The following CYP2J2 variants were observed in gnomAD, a reference collection of about 807,000 sequenced individuals.
CYP2J2 encodes cytochrome P450 2J2.
Under a neutral mutation model 48.8 loss-of-function variants are expected in CYP2J2, and 41 were observed. That is an observed-to-expected ratio of 0.84 (90% CI 0.66 to 1.09). CYP2J2 has a LOEUF of 1.09. Ranked by LOEUF, CYP2J2 falls within the 50% of genes least tolerant of loss-of-function variation. CYP2J2 has a pLI of 0.00. For synonymous variants in CYP2J2, 221 were observed against 227.1 expected (o/e 0.97, Z 0.24); for missense variants, 644 against 617.3 (o/e 1.04, Z -0.46).
the CYP2J2 span, among the ~76,000 whole-genome samples, chr1:59,959,639 A>T: frequency 6.6e-6 from 1 of 152,074 alleles, no homozygotes; most frequent in African/African-American, 2.4e-5. Context: ...TGTGTGTGAT[A>T]TATGTATATA....
chr1:59,939,680 C>A, the CYP2J2 span, among the ~76,000 whole-genome samples: 3 of 152,186 alleles, frequency 2.0e-5, no homozygotes, highest in South Asian at 6.2e-4. Flanking sequence ...TTCCTCTAAG[C>A]CTGGGGCAGG....
At chr1:59,942,812 T>TA in the CYP2J2 span, among the ~76,000 whole-genome samples, 1 of 152,070 alleles carries the variant, frequency 6.6e-6, no homozygotes, top group Non-Finnish European at 1.5e-5. Flanking sequence ...AAGAGAGTAA[T>TA]AAAAAATAAT....
chr1:59,969,210 G>A, the CYP2J2 span, among the ~76,000 whole-genome samples: 5 of 152,216 alleles, frequency 3.3e-5, no homozygotes, highest in Non-Finnish European at 7.3e-5. Flanking sequence ...ATCCGAGCGG[G>A]TTGCCACTGC....
chr1:59,946,165 G>T, the CYP2J2 span, among the ~76,000 whole-genome samples: 2 of 152,104 alleles, frequency 1.3e-5, no homozygotes, highest in Non-Finnish European at 2.9e-5. Context: ...GCTCTATATG[G>T]CCTGGCTTTT....
At position 59,907,777 on chromosome 1, in the gene CYP2J2, C is replaced by A. The variant is rs1165612232; in HGVS notation, c.1003+9G>T. On this transcript the variant is annotated intron_variant, in intron 6 of 8. Coordinates refer to ENST00000371204, the MANE Select transcript of CYP2J2 (RefSeq NM_000775.4). ...GTCCTGGTTCAGGCTTACTCACTGA[C>A]ATGCTCACCTTGGATTTCTGGGTAG... 2 of 1,613,716 alleles carry A rather than the reference C, an allele frequency of 1.2e-6. No homozygotes were observed. Among genetic ancestry groups the A allele is most frequent in the East Asian group, 2.2e-5 (1 of 44,880 alleles).
At chr1:59,948,896 T>G in the CYP2J2 span, among the ~76,000 whole-genome samples, 3 of 152,164 alleles carry the variant, frequency 2.0e-5, no homozygotes, top group Admixed American at 2.0e-4. Context: ...CTGGGTGAAG[T>G]GACTCACACC....
chr1:59,957,151 A>C, the CYP2J2 span, among the ~76,000 whole-genome samples: 1 of 152,308 alleles, frequency 6.6e-6, no homozygotes, highest in African/African-American at 2.4e-5. Context: ...TAAACCATTA[A>C]GTTTTAGGAT....
chr1:59,920,070 C>T (rs1349419440), intron 1 of CYP2J2, among the ~76,000 whole-genome samples: 4 of 151,916 alleles, frequency 2.6e-5, no homozygotes, highest in South Asian at 2.1e-4. Context: ...ATAAAGCTAT[C>T]GCAAGAAGAG....
At chr1:59,945,799 G>C in the CYP2J2 span, among the ~76,000 whole-genome samples, 1 of 152,112 alleles carries the variant, frequency 6.6e-6, no homozygotes, top group Non-Finnish European at 1.5e-5. Flanking sequence ...CCATCCTCTG[G>C]CTTCTCAGGC....
the CYP2J2 span, among the ~76,000 whole-genome samples, chr1:59,949,375 A>G: frequency 6.6e-5 from 10 of 152,118 alleles, no homozygotes; most frequent in African/African-American, 2.2e-4. Flanking sequence ...CTGCTTCCTC[A>G]TGTGGTATTT....
the CYP2J2 span, among the ~76,000 whole-genome samples, chr1:59,935,043 T>TAC: frequency 6.3e-5 from 7 of 110,864 alleles, no homozygotes; most frequent in South Asian, 2.9e-4. Flanking sequence ...TATATATATA[T>TAC]ATATATATAC....
At chr1:59,962,588 C>A in the CYP2J2 span, among the ~76,000 whole-genome samples, 3 of 152,224 alleles carry the variant, frequency 2.0e-5, no homozygotes, top group South Asian at 6.2e-4. Flanking sequence ...GACAAAAAAT[C>A]TGTAAAAATG....
At chr1:59,909,217 T>C (rs1644389896) in intron 5 of CYP2J2, among the ~76,000 whole-genome samples, 1 of 152,204 alleles carries the variant, frequency 6.6e-6, no homozygotes, top group Non-Finnish European at 1.5e-5. Context: ...CCCCTATTTT[T>C]ACTCCTGTAG....
chr1:59,893,911 C>G, intron 8 of CYP2J2, 82 bp from the exon 9 acceptor site: 1 of 1,377,990 alleles, frequency 7.3e-7, no homozygotes, highest in Non-Finnish European at 9.8e-7. Context: ...AATCATATCC[C>G]CAAAAAAATG....
chr1:59,946,855 A>G, the CYP2J2 span, among the ~76,000 whole-genome samples: 1 of 152,210 alleles, frequency 6.6e-6, no homozygotes, highest in Non-Finnish European at 1.5e-5. Context: ...CCTAATGCAT[A>G]TAGTTCTTAT....
chr1:59,901,133 G>T (rs771741643), intron 7 of CYP2J2, 30 bp from the exon 8 acceptor site: 1 of 1,604,066 alleles, frequency 6.2e-7, no homozygotes, highest in Non-Finnish European at 8.5e-7. Flanking sequence ...CTCAGGCAAG[G>T]CTTGACCCAT....
the CYP2J2 span, among the ~76,000 whole-genome samples, chr1:59,943,658 G>A: frequency 6.6e-6 from 1 of 151,816 alleles, no homozygotes; most frequent in South Asian, 2.1e-4. Flanking sequence ...CAAAAGTATT[G>A]CAGAAAATAT....
the CYP2J2 span, among the ~76,000 whole-genome samples, chr1:59,938,068 T>C: frequency 6.6e-6 from 1 of 152,186 alleles, no homozygotes; most frequent in African/African-American, 2.4e-5. Context: ...CTAGGATTGG[T>C]CCCTGGTGCC....
At chr1:59,918,632 G>A (rs1644486751) in intron 1 of CYP2J2, among the ~76,000 whole-genome samples, 2 of 151,658 alleles carry the variant, frequency 1.3e-5, no homozygotes, top group Admixed American at 1.3e-4. Flanking sequence ...TTGTAAGGCA[G>A]GGCACACTTT....
Sources: allele counts gnomAD v4.1 joint callset (sites outside exome capture counted in the v4.1 genomes callset), GRCh38; gene constraint gnomAD v4.1.1; transcripts MANE v1.5; gene names NCBI Gene and HGNC (gene_info 2026-07-23, HGNC 2026-07-21).